Variants in ANK1 observed in about 807,000 individuals in gnomAD.
The protein encoded by ANK1 is ankyrin-1.
ANK1 carries 51 observed loss-of-function variants against 210.4 expected under a neutral mutation model. That is an observed-to-expected ratio of 0.24 (90% CI 0.19 to 0.31). The LOEUF is 0.31. ANK1 is among the 10% of genes least tolerant of loss of function. The pLI is 1.00. For missense variants in ANK1, 2,051 were observed against 2,504.4 expected (o/e 0.82, Z 3.86); for synonymous variants, 967 against 1,025.9 (o/e 0.94, Z 1.10).
At chr8:41,730,431 AGTCT>A (rs1189129241) in intron 3 of ANK1, among the ~76,000 whole-genome samples, 1 of 149,162 alleles carries the variant, frequency 6.7e-6, no homozygotes, top group Non-Finnish European at 1.5e-5. Flanking sequence ...AGTGAGACCC[AGTCT>A]GTCTGTCTTT....
intron 2 of ANK1, among the ~76,000 whole-genome samples, chr8:41,744,629 C>T (rs1293667379): frequency 5.3e-5 from 8 of 151,590 alleles, no homozygotes; most frequent in Non-Finnish European, 8.8e-5. Flanking sequence ...CTCCGCCTCC[C>T]GGGTTCACAC....
chr8:41,788,613 G>A (rs944305812), intron 1 of ANK1, among the ~76,000 whole-genome samples: 2 of 152,144 alleles, frequency 1.3e-5, no homozygotes, highest in African/African-American at 4.8e-5. Flanking sequence ...AATATGCTGC[G>A]ATATTTAATC....
intron 24 of ANK1, chr8:41,697,679 G>C: frequency 2.7e-6 from 1 of 368,704 alleles, no homozygotes; most frequent in Non-Finnish European, 5.3e-6. Context: ...AGCCTGTCCG[G>C]GGTGCACAGC....
intron 1 of ANK1, among the ~76,000 whole-genome samples, chr8:41,819,976 C>T (rs1228513594): frequency 1.3e-5 from 2 of 152,212 alleles, no homozygotes; most frequent in African/African-American, 4.8e-5. Flanking sequence ...ATGTAGGGCC[C>T]ATGCCACTGA....
chr8:41,696,720 C>G lies in ANK1; in HGVS notation c.2691G>C (p.Glu897Asp). Residue 897 changes from glutamate (E) to aspartate (D), a missense_variant, in exon 25 of 43, where the codon GAG (glutamate) becomes GAC (aspartate). This residue lies in a region of ANK1 where 1,413 missense variants were observed against 1,707.4 expected (regional missense o/e 0.83). Transcript: ENST00000289734. ...DSLIPSSPAT[E>D]TSDNISPVAS... ...CCACCGGGCTGATGTTGTCTGAGGTCTCGGTGGCCGGGCTGCTGGGGATGA... is the reference window on the plus strand; with the variant it reads ...CCACCGGGCTGATGTTGTCTGAGGTGTCGGTGGCCGGGCTGCTGGGGATGA... 2 of 1,602,632 alleles carry G rather than the reference C, an allele frequency of 1.2e-6. No individual in the cohort carries two copies. Among genetic ancestry groups the G allele is most frequent in the Non-Finnish European group, 1.7e-6 (2 of 1,179,936 alleles).
chr8:41,764,140 CAATTGTGTT>C (rs1169064761), intron 1 of ANK1, among the ~76,000 whole-genome samples: 1 of 141,192 alleles, frequency 7.1e-6, no homozygotes, highest in Non-Finnish European at 1.6e-5. Context: ...AATAATCAAG[CAATTGTGTT>C]ATAAAGCGGT....
chr8:41,668,647 A>T (rs1811305097), intron 38 of ANK1, 83 bp from the exon 39 acceptor site: 1 of 1,414,754 alleles, frequency 7.1e-7, no homozygotes, highest in Admixed American at 2.1e-5. Context: ...TTCCTTTTAG[A>T]CACTCTCCCC....
At chr8:41,816,769 A>C (rs1318179461) in intron 1 of ANK1, among the ~76,000 whole-genome samples, 1 of 152,218 alleles carries the variant, frequency 6.6e-6, no homozygotes, top group Non-Finnish European at 1.5e-5. Context: ...GGTTACATGA[A>C]GTTGAAAAGC....
At chr8:41,664,725 C>G (rs1010785107) in intron 39 of ANK1, 1 of 1,394,300 alleles carries the variant, frequency 7.2e-7, no homozygotes, top group Non-Finnish European at 9.8e-7. Flanking sequence ...GGGTCCGGAG[C>G]TCCCCACAGC....
At chr8:41,784,356 C>T (rs749066333) in intron 1 of ANK1, among the ~76,000 whole-genome samples, 1 of 152,184 alleles carries the variant, frequency 6.6e-6, no homozygotes, top group Non-Finnish European at 1.5e-5. Context: ...TTAGTGAATT[C>T]CTTCTTAAAG....
intron 40 of ANK1, 134 bp downstream of exon 40, chr8:41,663,525 G>C (rs1809284796): frequency 5.8e-6 from 5 of 858,796 alleles, no homozygotes; most frequent in Non-Finnish European, 9.7e-6. Context: ...CATCCCTCCT[G>C]AGCACGGGGG....
chr8:41,892,993 C>T (rs184151971), intron 1 of ANK1, among the ~76,000 whole-genome samples: 56 of 152,244 alleles, frequency 3.7e-4, no homozygotes, highest in East Asian at 1.7e-3. Flanking sequence ...TGCAGGTATC[C>T]GGCTTAGTGT....
rs3063734 is a variant in ANK1 at position 41,655,129 on chromosome 8, GGT to G, written c.*659_*660del. 64,211 of 145,596 alleles carry G rather than the reference GGT, an allele frequency of 0.44. 14,326 individuals are homozygous for G. Among genetic ancestry groups the G allele is most frequent in the East Asian group, 0.66 (3,207 of 4,834 alleles). 9.0% of individuals were successfully genotyped at this position (145,596 alleles called of 1,614,324 possible). ...GTGTGTAGATTCAGTGGAGGCGAGT[GGT>G]GTGTGTGTGTGTGTGTGTGTGTCCT... On this transcript the variant is annotated 3_prime_UTR_variant, in exon 43 of 43. Coordinates refer to ENST00000289734, the MANE Select transcript of ANK1 (RefSeq NM_000037.4).
chr8:41,861,243 C>G (rs769529266), intron 1 of ANK1, among the ~76,000 whole-genome samples: 11 of 152,152 alleles, frequency 7.2e-5, no homozygotes, highest in Admixed American at 1.3e-4. Context: ...GAGCATGTTT[C>G]CAGCATGCAA....
At position 41,797,184 on chromosome 8, in the gene ANK1, A is replaced by G. The variant is rs944359933; in HGVS notation, c.27+328T>C. 6.6e-6 allele frequency among the ~76,000 whole-genome samples: 1 copy of G among 152,226 alleles called. No individual in the cohort carries two copies. The highest frequency in any genetic ancestry group is 2.4e-5 in the African/African-American group (1 of 41,464). ...AAAGGAAAGCCTCTAAGATCTCAAT[A>G]GATTTGGACTATAATCCAAAAACCA... is the stretch of plus-strand genomic sequence containing the variant. On this transcript the variant is annotated intron_variant, in intron 1 of 42. Transcript: ENST00000289734. The surrounding 1 kb of genome is among the most constrained non-coding windows in gnomAD (Gnocchi z 4.0).
rs545438542 is a variant in ANK1 at position 41,877,870 on chromosome 8, A to G, written c.126+18485T>C. 3.7e-4 allele frequency among the ~76,000 whole-genome samples: 57 copies of G among 152,328 alleles called. 1 individual carries two copies. In the South Asian group the frequency reaches 0.011, roughly 30 times the overall value. Reference sequence around the variant, plus strand: ...GCTTGAAGCACAAAGGCCTGAAGACAGAAGCCAGGTAGACGTGCCTGAGGA... The same window carrying G: ...GCTTGAAGCACAAAGGCCTGAAGACGGAAGCCAGGTAGACGTGCCTGAGGA... On this transcript the variant is annotated intron_variant, in intron 1 of 42. Transcript: ENST00000265709.
chr8:41,837,901 A>G (rs922941240), intron 1 of ANK1, among the ~76,000 whole-genome samples: 1 of 152,154 alleles, frequency 6.6e-6, no homozygotes, highest in Admixed American at 6.5e-5. Context: ...ATGGGATGAC[A>G]CCTGGTGAAC....
chr8:41,806,132 C>A (rs1005930503), intron 1 of ANK1, among the ~76,000 whole-genome samples: 1 of 152,224 alleles, frequency 6.6e-6, no homozygotes, highest in Admixed American at 6.5e-5. Context: ...CTTTGGGGAG[C>A]TCCCTGGGTC....
At chr8:41,678,749 A>G (rs1261148757) in intron 37 of ANK1, among the ~76,000 whole-genome samples, 1 of 152,164 alleles carries the variant, frequency 6.6e-6, no homozygotes, top group African/African-American at 2.4e-5. Context: ...TACAGTTACA[A>G]TCACCGTTTT....
Sources: allele counts gnomAD v4.1 joint callset (sites outside exome capture counted in the v4.1 genomes callset), GRCh38; gene constraint gnomAD v4.1.1; regional missense constraint gnomAD v4.1.1; non-coding constraint Gnocchi (gnomAD v3.1); transcripts MANE v1.5; gene names NCBI Gene and HGNC (gene_info 2026-07-23, HGNC 2026-07-21).